The following COX7B2 variants were observed in gnomAD, a reference collection of about 807,000 sequenced individuals.
The protein encoded by COX7B2 is cytochrome c oxidase subunit 7B2.
For synonymous variants in COX7B2, 37 were observed against 32.1 expected, an observed-to-expected ratio of 1.15 and a Z score of -0.51; for missense variants, 109 against 95.9, an observed-to-expected ratio of 1.14 and a Z score of -0.57.
At chr4:46,757,552 ATT>A (rs1343933573) in intron 2 of COX7B2, among the ~76,000 whole-genome samples, 1 of 151,972 alleles carries the variant, frequency 6.6e-6, no homozygotes, top group East Asian at 1.9e-4. Flanking sequence ...ATCTTTACCA[ATT>A]TGTCTTACTT....
At chr4:46,788,851 T>C (rs954628461) in intron 2 of COX7B2, among the ~76,000 whole-genome samples, 34 of 152,272 alleles carry the variant, frequency 2.2e-4, no homozygotes, top group African/African-American at 8.2e-4. Context: ...TATATTGATC[T>C]AAGTCAGTGA....
intron 1 of COX7B2, among the ~76,000 whole-genome samples, chr4:46,872,360 T>C (rs1718045865): frequency 6.6e-6 from 1 of 151,824 alleles, no homozygotes; most frequent in Admixed American, 6.6e-5. Context: ...GCAGAAAACG[T>C]AACTATTGAG....
At chr4:46,830,587 T>G (rs1247376387) in intron 2 of COX7B2, among the ~76,000 whole-genome samples, 2 of 152,166 alleles carry the variant, frequency 1.3e-5, no homozygotes, top group Non-Finnish European at 2.9e-5. Flanking sequence ...TTGAAGCATC[T>G]AAAATACCTT....
Position 46,831,371 on chromosome 4 carries a change from G to C in COX7B2, c.-50+13589C>G, listed in dbSNP as rs531299158. Among the ~76,000 whole-genome samples the C allele has an allele frequency of 5.7e-4, 86 of 152,100 alleles. 1 individual carries two copies. The highest frequency in any genetic ancestry group is 2.0e-3 in the African/African-American group (85 of 41,494). On this transcript the variant is annotated intron_variant, in intron 2 of 2. Coordinates refer to ENST00000355591, the MANE Select transcript of COX7B2 (RefSeq NM_130902.3). ...CCTGTGCGGCCCGAGCCTCCTCAAC[G>C]AGTGCCACCCCCGGCTCCACGGCAC...
chr4:46,754,718 G>GTATATATATATA (rs1235318797), intron 2 of COX7B2, among the ~76,000 whole-genome samples: 759 of 33,766 alleles, frequency 0.022, 5 homozygotes, highest in Middle Eastern at 0.052. Flanking sequence ...GTGTGTGTGT[G>GTATATATATATA]TGTGTGTGTG....
chr4:46,812,096 T>C (rs1470507181), intron 2 of COX7B2, among the ~76,000 whole-genome samples: 1 of 152,134 alleles, frequency 6.6e-6, no homozygotes, highest in Non-Finnish European at 1.5e-5. Context: ...CACTATAATA[T>C]AATACAGTAT....
At chr4:46,792,174 A>C (rs910531618) in intron 2 of COX7B2, among the ~76,000 whole-genome samples, 4 of 152,202 alleles carry the variant, frequency 2.6e-5, no homozygotes, top group African/African-American at 9.7e-5. Flanking sequence ...CAGATGATTA[A>C]TCAAGCAATT....
chr4:46,865,232 T>C (rs1310473224), intron 1 of COX7B2, among the ~76,000 whole-genome samples: 1 of 152,184 alleles, frequency 6.6e-6, no homozygotes, highest in Non-Finnish European at 1.5e-5. Flanking sequence ...GTTACTTCAC[T>C]TAGAATAATG....
chr4:46,886,060 A>G (rs1020862709), intron 1 of COX7B2, among the ~76,000 whole-genome samples: 5 of 152,186 alleles, frequency 3.3e-5, no homozygotes, highest in Admixed American at 3.3e-4. Flanking sequence ...TTGGGAAGAA[A>G]AGAAGGCTAA....
intron 2 of COX7B2, among the ~76,000 whole-genome samples, chr4:46,823,642 C>T (rs1329652679): frequency 6.6e-6 from 1 of 150,994 alleles, no homozygotes; most frequent in African/African-American, 2.4e-5. Flanking sequence ...TCATTAATTG[C>T]TTACATTAAA....
intron 2 of COX7B2, among the ~76,000 whole-genome samples, chr4:46,820,821 C>CAAAAAA (rs754039038): frequency 7.3e-6 from 1 of 137,798 alleles, no homozygotes; most frequent in East Asian, 2.1e-4. Flanking sequence ...AACTCCATCT[C>CAAAAAA]AAAAAAAAAA....
At chr4:46,793,505 G>A (rs1402061105) in intron 2 of COX7B2, among the ~76,000 whole-genome samples, 1 of 152,190 alleles carries the variant, frequency 6.6e-6, no homozygotes, top group Non-Finnish European at 1.5e-5. Flanking sequence ...AAGGAACTGG[G>A]TGACTTTTGT....
chr4:46,783,600 T>C (rs1444779673), intron 2 of COX7B2, among the ~76,000 whole-genome samples: 1 of 152,220 alleles, frequency 6.6e-6, no homozygotes, highest in Non-Finnish European at 1.5e-5. Context: ...GATCATCCTA[T>C]TTTTCTGTTT....
At chr4:46,803,721 T>G (rs1475359545) in intron 2 of COX7B2, among the ~76,000 whole-genome samples, 1 of 144,778 alleles carries the variant, frequency 6.9e-6, no homozygotes, top group Non-Finnish European at 1.5e-5. Flanking sequence ...AAATTAAGCC[T>G]GGTTTACTTT....
At position 46,735,198 on chromosome 4, in the gene COX7B2, AT is replaced by A; in HGVS notation, c.-7del. 1 of 1,612,916 alleles carries A rather than the reference AT, an allele frequency of 6.2e-7. No individual in the cohort carries two copies. Among genetic ancestry groups the A allele is most frequent in the Non-Finnish European group, 8.5e-7 (1 of 1,179,674 alleles). On this transcript the variant is annotated 5_prime_UTR_variant, in exon 3 of 3. Transcript: ENST00000355591. ...CTGGCCAAGGGAAACATCATGAAGG[AT>A]TGCAGTTGCCTTCAGCTACTGGTCT... is the stretch of plus-strand genomic sequence containing the variant.
In COX7B2 at chr4:46,898,099, C is replaced by T. The variant is rs542610949; in HGVS notation, c.-105+11061G>A. On this transcript the variant is annotated intron_variant, in intron 1 of 2. Coordinates refer to ENST00000355591, the MANE Select transcript of COX7B2 (RefSeq NM_130902.3). ...AGAAGTCTGAACCTGTATCTCCTCC[C>T]TAGAATCCCAGTACTACATATTCAA... Among the ~76,000 whole-genome samples the T allele has an allele frequency of 3.3e-5, 5 of 152,238 alleles. No homozygotes were observed. In the East Asian group the frequency reaches 5.8e-4, roughly 18 times the overall value.
intron 2 of COX7B2, among the ~76,000 whole-genome samples, chr4:46,837,697 A>G (rs992943385): frequency 6.6e-6 from 1 of 152,054 alleles, no homozygotes; most frequent in Admixed American, 6.6e-5. Flanking sequence ...TACATAAAAA[A>G]TAAAAATAAG....
At chr4:46,862,419 G>A (rs1717390893) in intron 1 of COX7B2, among the ~76,000 whole-genome samples, 1 of 152,146 alleles carries the variant, frequency 6.6e-6, no homozygotes, top group Admixed American at 6.5e-5. Flanking sequence ...GTCTTTCTGT[G>A]TGTATACACA....
At chr4:46,803,949 G>A (rs1337963046) in intron 2 of COX7B2, among the ~76,000 whole-genome samples, 1 of 152,078 alleles carries the variant, frequency 6.6e-6, no homozygotes, top group East Asian at 1.9e-4. Context: ...TGGTCTCACT[G>A]ACTTCAAGAA....
Sources: allele counts gnomAD v4.1 joint callset (sites outside exome capture counted in the v4.1 genomes callset), GRCh38; gene constraint gnomAD v4.1.1; transcripts MANE v1.5; gene names NCBI Gene and HGNC (gene_info 2026-07-23, HGNC 2026-07-21).